The following CNTN4 variants were observed in gnomAD, a reference collection of about 807,000 sequenced individuals.
The protein encoded by CNTN4 is contactin 4, also known as contactin-4.
In CNTN4, 77 loss-of-function variants were observed where a neutral mutation model predicts 122.5. The ratio of observed to expected loss-of-function variants is 0.63; its 90% confidence interval spans 0.52 to 0.76. The LOEUF (loss-of-function observed/expected upper bound fraction) is 0.76. CNTN4 is among the 30% of genes least tolerant of loss of function. The pLI, the probability that CNTN4 is intolerant of heterozygous loss-of-function variation, is 0.00. For synonymous variants in CNTN4, 512 were observed against 447.0 expected (o/e 1.15, Z -1.83); for missense variants, 1,256 against 1,259.1 (o/e 1.00, Z 0.04).
At chr3:2,712,847 C>T (rs1157891379) in intron 4 of CNTN4, among the ~76,000 whole-genome samples, 2 of 152,298 alleles carry the variant, frequency 1.3e-5, no homozygotes, top group East Asian at 1.9e-4. Flanking sequence ...AAAAACCCAA[C>T]AGGACAGGGT....
chr3:2,198,700 G>A (rs910972380), intron 2 of CNTN4, among the ~76,000 whole-genome samples: 9 of 152,012 alleles, frequency 5.9e-5, no homozygotes, highest in Admixed American at 2.0e-4. Flanking sequence ...GAATATACTC[G>A]AGACTTAATC....
intron 4 of CNTN4, among the ~76,000 whole-genome samples, chr3:2,683,463 GT>G (rs11303295): frequency 0.39 from 58,951 of 151,732 alleles, 12,562 homozygotes; most frequent in African/African-American, 0.56. Flanking sequence ...ATATAAGTCA[GT>G]TTGGTCTCTC....
chr3:2,801,091 C>T (rs2092335717), intron 6 of CNTN4, among the ~76,000 whole-genome samples: 1 of 148,164 alleles, frequency 6.7e-6, no homozygotes, highest in Non-Finnish European at 1.5e-5. Flanking sequence ...CCTGCCTCAC[C>T]TGATCAGATG....
intron 4 of CNTN4, among the ~76,000 whole-genome samples, chr3:2,667,927 C>CTCTGT (rs1242117849): frequency 6.6e-6 from 1 of 151,914 alleles, no homozygotes; most frequent in Non-Finnish European, 1.5e-5. Flanking sequence ...TTTCTGAGGG[C>CTCTGT]TCTGTTCTGT....
At position 2,617,878 on chromosome 3, in the gene CNTN4, T is replaced by G. The variant is rs547657382; in HGVS notation, c.55+46320T>G. ...AAAGTTGGAAATGGGCAAACACTTG[T>G]ATTTGAGATTTAAATAAGTATGCAT... On this transcript the variant is annotated intron_variant, in intron 4 of 24. Transcript: ENST00000418658. Among the ~76,000 whole-genome samples, 8 of 152,332 alleles carry G rather than the reference T, an allele frequency of 5.3e-5. No individual in the cohort carries two copies. In the East Asian group the frequency reaches 1.5e-3, roughly 29 times the overall value.
intron 3 of CNTN4, among the ~76,000 whole-genome samples, chr3:2,428,019 T>A (rs1432292116): frequency 6.6e-6 from 1 of 152,138 alleles, no homozygotes; most frequent in Non-Finnish European, 1.5e-5. Context: ...TCTTGACTCT[T>A]TATCCAATTT....
chr3:3,018,915 T>C (rs981959102), intron 14 of CNTN4, among the ~76,000 whole-genome samples: 2 of 152,082 alleles, frequency 1.3e-5, no homozygotes, highest in African/African-American at 4.8e-5. Context: ...ACTTAATGAA[T>C]AATAGTAAAA....
At chr3:2,154,254 G>T (rs1382019260) in intron 2 of CNTN4, among the ~76,000 whole-genome samples, 1 of 151,870 alleles carries the variant, frequency 6.6e-6, no homozygotes, top group Non-Finnish European at 1.5e-5. Context: ...ATGTGGTGGT[G>T]GGCGCCTGTA....
chr3:2,466,828 G>A (rs1413210495), intron 3 of CNTN4, among the ~76,000 whole-genome samples: 1 of 152,076 alleles, frequency 6.6e-6, no homozygotes, highest in Admixed American at 6.6e-5. Flanking sequence ...TTAATAACAG[G>A]AAGTGTTAAC....
chr3:2,995,250 G>A lies in CNTN4; in HGVS notation c.1486+6778G>A, dbSNP rs535430042. Among the ~76,000 whole-genome samples, 26 of 151,618 alleles carry A rather than the reference G, an allele frequency of 1.7e-4. No homozygotes were observed. In the East Asian group the frequency reaches 5.0e-3, roughly 29 times the overall value. On this transcript the variant is annotated intron_variant, in intron 14 of 24. Coordinates refer to ENST00000418658, the MANE Select transcript of CNTN4 (RefSeq NM_175607.3). ...ATCTTGTTCTTCCTGTGTTCACAAA[G>A]CGTGTGACATAACCTGGAAATCTGA... is the stretch of plus-strand genomic sequence containing the variant.
At chr3:2,667,535 G>A (rs1396420518) in intron 4 of CNTN4, among the ~76,000 whole-genome samples, 1 of 152,066 alleles carries the variant, frequency 6.6e-6, no homozygotes, top group Non-Finnish European at 1.5e-5. Context: ...CTCCCATTCT[G>A]TAGGTTCCCT....
chr3:2,631,138 A>AT (rs957735256), intron 4 of CNTN4, among the ~76,000 whole-genome samples: 7 of 152,142 alleles, frequency 4.6e-5, no homozygotes, highest in African/African-American at 1.7e-4. Context: ...TTATTTCCAT[A>AT]TTTGTTATTT....
chr3:2,957,547 A>G (rs759578944), intron 13 of CNTN4, among the ~76,000 whole-genome samples: 1 of 152,144 alleles, frequency 6.6e-6, no homozygotes, highest in Non-Finnish European at 1.5e-5. Context: ...TCACGCATGT[A>G]GTGAGCATAG....
At chr3:2,768,938 G>A (rs1288231962) in intron 6 of CNTN4, among the ~76,000 whole-genome samples, 1 of 152,074 alleles carries the variant, frequency 6.6e-6, no homozygotes, top group African/African-American at 2.4e-5. Flanking sequence ...ACAGATCCGA[G>A]GATCAAAACC....
chr3:2,450,471 T>C (rs2151355489), intron 3 of CNTN4, among the ~76,000 whole-genome samples: 1 of 152,290 alleles, frequency 6.6e-6, no homozygotes, highest in African/African-American at 2.4e-5. Flanking sequence ...TGTTTTCTTG[T>C]TTAAAGATTT....
intron 4 of CNTN4, among the ~76,000 whole-genome samples, chr3:2,731,015 GT>G (rs375561166): frequency 1.9e-3 from 279 of 145,856 alleles, no homozygotes; most frequent in African/African-American, 5.8e-3. Flanking sequence ...TTCTTAGAGG[GT>G]TTTTTTTTTT....
intron 2 of CNTN4, among the ~76,000 whole-genome samples, chr3:2,296,692 A>C (rs1220426969): frequency 6.6e-6 from 1 of 152,104 alleles, no homozygotes; most frequent in African/African-American, 2.4e-5. Flanking sequence ...ATAGAACAAA[A>C]GGGCACAAGA....
chr3:2,438,295 G>A (rs1019527838), intron 3 of CNTN4, among the ~76,000 whole-genome samples: 36 of 152,136 alleles, frequency 2.4e-4, no homozygotes, highest in African/African-American at 7.2e-4. Flanking sequence ...CGAGGCAGGC[G>A]GATCACCTGA....
intron 6 of CNTN4, among the ~76,000 whole-genome samples, chr3:2,755,921 T>G (rs956103501): frequency 6.6e-6 from 1 of 152,232 alleles, no homozygotes; most frequent in African/African-American, 2.4e-5. Flanking sequence ...CCTTTTTGTT[T>G]CGTTGTTATG....
Sources: gnomAD v4.1 joint callset for allele counts (sites outside exome capture counted in the v4.1 genomes callset) on GRCh38, gnomAD v4.1.1 for gene constraint, MANE v1.5 for transcripts, NCBI Gene and HGNC (gene_info 2026-07-23, HGNC 2026-07-21) for gene names.